Variants in MRNIP observed in about 807,000 individuals in gnomAD.
The protein encoded by MRNIP is MRN complex-interacting protein.
In MRNIP, 30 loss-of-function variants were observed where a neutral mutation model predicts 29.8. That is an observed-to-expected ratio of 1.01 (90% CI 0.75 to 1.36). The LOEUF is 1.36. MRNIP is among the 40% of genes most tolerant of loss of function. MRNIP has a pLI of 0.00. For missense variants in MRNIP, 459 were observed against 423.5 expected (o/e 1.08, Z -0.74); for synonymous variants, 201 against 164.1 (o/e 1.23, Z -1.72).
intron 5 of MRNIP, 29 bp from the exon 6 acceptor site, chr5:179,840,988 G>A (rs757743858): frequency 2.3e-5 from 35 of 1,517,644 alleles, no homozygotes; most frequent in Admixed American, 1.3e-4. Flanking sequence ...CAGTAGTCCC[G>A]TGCTACTCTC....
Position 179,837,692 on chromosome 5 carries a change from C to A in MRNIP, c.731G>T (p.Ser244Ile). Residue 244 changes from serine to isoleucine, a missense_variant, in exon 7 of 7, where the codon AGT becomes ATT. Ser to Ile is a moderately radical substitution (Grantham distance 142). Transcript: ENST00000292586. ...LPPRKSSHVD[S>I]EQPRSLQRDP... ...CCTCTGAAGAGACCTTGGCTGCTCA[C>A]TGTCCACATGTGAACTTTTTCTAGG... 6.2e-7 allele frequency: 1 copy of A among 1,614,270 alleles called. No individual in the cohort carries two copies. Among genetic ancestry groups the A allele is most frequent in the Non-Finnish European group, 8.5e-7 (1 of 1,180,052 alleles).
At chr5:179,856,555 T>C (rs1268042275) in intron 1 of MRNIP, among the ~76,000 whole-genome samples, 2 of 152,172 alleles carry the variant, frequency 1.3e-5, no homozygotes, top group African/African-American at 4.8e-5. Context: ...CTGCAACCTC[T>C]ACCTCCTGGA....
chr5:179,840,377 C>T (rs1758826136), intron 6 of MRNIP: 2 of 161,810 alleles, frequency 1.2e-5, no homozygotes, highest in Admixed American at 6.4e-5. Flanking sequence ...CCACTGCACT[C>T]CAGCCTGGGT....
At chr5:179,842,203 T>A in intron 4 of MRNIP, 139 bp from the exon 5 acceptor site, 1 of 840,302 alleles carries the variant, frequency 1.2e-6, no homozygotes, top group Non-Finnish European at 1.9e-6. Context: ...GGCTGGAAGG[T>A]GATGGACGCC....
In MRNIP at chr5:179,848,084, A is replaced by G. The variant is rs768880354; in HGVS notation, c.127-18T>C. The G allele has an allele frequency of 2.5e-6, 4 of 1,589,792 alleles. No homozygotes were observed. Among genetic ancestry groups the G allele is most frequent in the South Asian group, 2.2e-5 (2 of 90,576 alleles). ...CCATAAGCCTGAGAAACCAAAAAAT[A>G]TATTACATTGAAAAAGTGCTGGCAG... On this transcript the variant is annotated intron_variant, in intron 2 of 6. Coordinates refer to ENST00000292586, the MANE Select transcript of MRNIP (RefSeq NM_016175.4).
chr5:179,850,527 C>G (rs1310356220), intron 2 of MRNIP, among the ~76,000 whole-genome samples: 1 of 152,182 alleles, frequency 6.6e-6, no homozygotes, highest in African/African-American at 2.4e-5. Context: ...GCTAGTAAGT[C>G]AAGTGAGAAC....
chr5:179,841,750 G>T, intron 5 of MRNIP, 157 bp downstream of exon 5: 1 of 758,448 alleles, frequency 1.3e-6, no homozygotes, highest in Non-Finnish European at 2.2e-6. Context: ...TGGGCTGTGG[G>T]GCCAGCAGTG....
intron 4 of MRNIP, among the ~76,000 whole-genome samples, chr5:179,842,984 G>C (rs1051501029): frequency 8.3e-5 from 12 of 145,312 alleles, no homozygotes; most frequent in Non-Finnish European, 1.6e-4. Context: ...AGTGAGCTGA[G>C]ATCACGCCAC....
At chr5:179,838,015 G>T in intron 6 of MRNIP, 130 bp from the exon 7 acceptor site, 1 of 834,312 alleles carries the variant, frequency 1.2e-6, no homozygotes, top group South Asian at 1.8e-5. Context: ...GTCAGGCTGG[G>T]ACAGGCTTTG....
intron 3 of MRNIP, chr5:179,847,157 C>T (rs373799550): frequency 8.0e-5 from 9 of 111,904 alleles, no homozygotes; most frequent in African/African-American, 2.8e-4. Context: ...CTGAGAGTTA[C>T]TTACTTTTTT....
At chr5:179,841,731 A>G (rs1758886976) in intron 5 of MRNIP, 176 bp downstream of exon 5, 2 of 675,494 alleles carry the variant, frequency 3.0e-6, no homozygotes, top group African/African-American at 1.8e-5. Flanking sequence ...GCAGTGCCCA[A>G]TGCCCAGGTG....
chr5:179,858,670 G>A lies in MRNIP; in HGVS notation c.66+61C>T, dbSNP rs1268262877. 11 of 1,122,678 alleles carry A rather than the reference G, an allele frequency of 9.8e-6. No individual in the cohort carries two copies. In the Middle Eastern group the frequency reaches 1.1e-3, roughly 115 times the overall value. The allele number at this position is 1,122,678 out of a possible 1,614,324, so 69.5% of individuals were successfully genotyped here. ...CATTCGAGACAACACCCACAGCCCC[G>A]CCACTCCCCGTCCGCTGTCCCCGCG... On this transcript the variant is annotated intron_variant, in intron 1 of 6. Transcript: ENST00000292586.
At chr5:179,856,601 G>C (rs1396290083) in intron 1 of MRNIP, among the ~76,000 whole-genome samples, 2 of 152,120 alleles carry the variant, frequency 1.3e-5, no homozygotes, top group Non-Finnish European at 2.9e-5. Flanking sequence ...ACCCTGAGTA[G>C]CTAGGACTAC....
chr5:179,848,009 G>A lies in MRNIP; in HGVS notation c.184C>T (p.Leu62=). ...GGCAGCTCTGAAACTTGTCCCTGTA[G>A]TAGATTTAACTTTTGGACATGGCGT... ...CRRHVQKLNL[L]QGQVSELPLR... Residue 62 remains leucine, a synonymous_variant, in exon 3 of 7, where the codon CTA becomes TTA. Transcript: ENST00000292586. 3.1e-6 allele frequency: 5 copies of A among 1,613,702 alleles called. No homozygotes were observed. Among genetic ancestry groups the A allele is most frequent in the Non-Finnish European group, 4.2e-6 (5 of 1,179,728 alleles).
At position 179,841,367 on chromosome 5, in the gene MRNIP, G is replaced by T. The variant is rs756085664; in HGVS notation, c.450-408C>A. 1.4e-4 allele frequency: 27 copies of T among 188,152 alleles called. 1 individual carries two copies. Among genetic ancestry groups the T allele is most frequent in the Admixed American group, 2.3e-4 (4 of 17,376 alleles). 11.7% of individuals were successfully genotyped at this position (188,152 alleles called of 1,614,324 possible). A position where few individuals can be genotyped will look rare whatever the true frequency, so the allele number is the denominator to read the frequency against. On this transcript the variant is annotated intron_variant, in intron 5 of 6. Coordinates refer to ENST00000292586, the MANE Select transcript of MRNIP (RefSeq NM_016175.4). ...TGTTGCCCGGACTGGAGGATCAAATGATCCTCCTGCCTCAGCCTCCCAAAG... is the reference window on the plus strand; with the variant it reads ...TGTTGCCCGGACTGGAGGATCAAATTATCCTCCTGCCTCAGCCTCCCAAAG...
chr5:179,842,951 T>G (rs1582042450), intron 4 of MRNIP, among the ~76,000 whole-genome samples: 1 of 150,536 alleles, frequency 6.6e-6, no homozygotes, highest in East Asian at 2.0e-4. Context: ...GAGAATTGCT[T>G]GAACTCAGGA....
chr5:179,858,397 C>A (rs1232995145), intron 1 of MRNIP, among the ~76,000 whole-genome samples: 1 of 151,934 alleles, frequency 6.6e-6, no homozygotes, highest in Non-Finnish European at 1.5e-5. Flanking sequence ...CTCTAAGAAC[C>A]GTCCTCCCCC....
intron 4 of MRNIP, among the ~76,000 whole-genome samples, chr5:179,843,626 G>A (rs1177175378): frequency 4.6e-5 from 7 of 152,056 alleles, no homozygotes; most frequent in Non-Finnish European, 1.0e-4. Context: ...TGTAGTCCCA[G>A]TTACTCAGGA....
chr5:179,853,235 G>C (rs1482334558), intron 2 of MRNIP, 143 bp downstream of exon 2: 14 of 1,554,544 alleles, frequency 9.0e-6, no homozygotes, highest in Admixed American at 7.5e-5. Context: ...CTTCCTGAAG[G>C]AACAGGAAGC....
Sources: gnomAD v4.1 joint callset for allele counts (sites outside exome capture counted in the v4.1 genomes callset) on GRCh38, gnomAD v4.1.1 for gene constraint, MANE v1.5 for transcripts, NCBI Gene and HGNC (gene_info 2026-07-23, HGNC 2026-07-21) for gene names.